PARP16: variants seen among roughly 807,000 people sequenced by gnomAD.
The protein encoded by PARP16 is protein mono-ADP-ribosyltransferase PARP16.
A neutral mutation model predicts 35.0 loss-of-function variants in PARP16; 31 were observed. The observed-to-expected ratio is 0.88, with a 90% CI of 0.66 to 1.19. PARP16 has a LOEUF of 1.19. Among genes scored for constraint, PARP16 ranks in the 50% most tolerant of loss-of-function variants. The pLI, the probability that PARP16 is intolerant of heterozygous loss-of-function variation, is 0.00. For missense variants in PARP16, 424 were observed against 411.2 expected (o/e 1.03, Z -0.27); for synonymous variants, 162 against 169.5 (o/e 0.96, Z 0.34).
intron 3 of PARP16, among the ~76,000 whole-genome samples, chr15:65,245,225 C>T (rs945785799): frequency 6.6e-6 from 1 of 152,222 alleles, no homozygotes; most frequent in African/African-American, 2.4e-5. Context: ...GGCTTTGTGG[C>T]TTCCTCGCCA....
At chr15:65,276,885 G>A (rs550849482) in intron 1 of PARP16, among the ~76,000 whole-genome samples, 4 of 151,696 alleles carry the variant, frequency 2.6e-5, no homozygotes, top group Non-Finnish European at 4.4e-5. Context: ...GGGAGGCTGA[G>A]GCAGGAGAAT....
intron 4 of PARP16, among the ~76,000 whole-genome samples, chr15:65,261,909 G>A (rs1007725102): frequency 1.1e-4 from 16 of 152,174 alleles, no homozygotes; most frequent in African/African-American, 1.9e-4. Context: ...CTAGGAAGAC[G>A]AAAGCTGCGT....
At chr15:65,268,949 T>G (rs1048129285) in intron 2 of PARP16, among the ~76,000 whole-genome samples, 9 of 151,788 alleles carry the variant, frequency 5.9e-5, no homozygotes, top group East Asian at 2.0e-4. Flanking sequence ...GAGACGAAGC[T>G]TCATCATTTT....
At chr15:65,231,303 T>TCA (rs1338600963), downstream of PARP16, among the ~76,000 whole-genome samples, 8 of 152,234 alleles carry the variant, frequency 5.3e-5, no homozygotes, top group African/African-American at 1.9e-4. Flanking sequence ...TATACTGATA[T>TCA]GTGCATGTGT....
At chr15:65,248,454 C>G (rs76642466) in intron 2 of PARP16, among the ~76,000 whole-genome samples, 335 of 152,168 alleles carry the variant, frequency 2.2e-3, no homozygotes, top group African/African-American at 7.7e-3. Flanking sequence ...GAGGCCCACA[C>G]TTTCCCTCAA....
chr15:65,246,384 T>C (rs1237285343), intron 3 of PARP16, among the ~76,000 whole-genome samples: 8 of 152,168 alleles, frequency 5.3e-5, no homozygotes, highest in African/African-American at 1.4e-4. Context: ...ACAGGGGTCA[T>C]GGAGGTCTCC....
At chr15:65,253,979 G>T (rs771372432), downstream of PARP16, among the ~76,000 whole-genome samples, 3 of 152,074 alleles carry the variant, frequency 2.0e-5, no homozygotes, top group South Asian at 6.2e-4. Context: ...CACCACACCC[G>T]GCTAATTTTT....
At chr15:65,253,630 TTCATTCTC>T (rs2089420392), downstream of PARP16, among the ~76,000 whole-genome samples, 1 of 152,034 alleles carries the variant, frequency 6.6e-6, no homozygotes, top group Admixed American at 6.5e-5. Flanking sequence ...GCGCCCGGCC[TTCATTCTC>T]TTTTTGCTAA....
intron 2 of PARP16, among the ~76,000 whole-genome samples, chr15:65,249,678 G>A (rs113377368): frequency 2.0e-5 from 3 of 152,348 alleles, no homozygotes; most frequent in Admixed American, 6.5e-5. Flanking sequence ...AGGCAATCAG[G>A]GGGATTTGGC....
downstream of PARP16, among the ~76,000 whole-genome samples, chr15:65,255,337 A>G (rs953146876): frequency 6.6e-6 from 1 of 152,204 alleles, no homozygotes; most frequent in Non-Finnish European, 1.5e-5. Context: ...TTAAAATTAG[A>G]AGAAAAAAAC....
At chr15:65,276,056 C>T (rs548829012) in intron 1 of PARP16, among the ~76,000 whole-genome samples, 9 of 152,290 alleles carry the variant, frequency 5.9e-5, no homozygotes, top group African/African-American at 2.2e-4. Flanking sequence ...TGGACCCAGG[C>T]CTCTTCCCGG....
rs2089587360 is a variant in PARP16, at chr15:65,258,566, G to A, written c.*841C>T. The A allele has an allele frequency of 6.6e-6, 1 of 152,520 alleles. No homozygotes were observed. Among genetic ancestry groups the A allele is most frequent in the South Asian group, 2.1e-4 (1 of 4,834 alleles). The allele number at this position is 152,520 out of a possible 1,614,324, so 9.4% of individuals were successfully genotyped here. A position where few individuals can be genotyped will look rare whatever the true frequency, so the allele number is the denominator to read the frequency against. On this transcript the variant is annotated 3_prime_UTR_variant, in exon 6 of 6. Coordinates refer to ENST00000649807, the MANE Select transcript of PARP16 (RefSeq NM_001316943.2). Reference sequence around the variant, plus strand: ...AATCCCTTTCTCTAAAACACAGCCAGAAAAGAGGCTGTGGACACTGGCCAA... The same window carrying A: ...AATCCCTTTCTCTAAAACACAGCCAAAAAAGAGGCTGTGGACACTGGCCAA...
chr15:65,256,122 G>A (rs930636105), downstream of PARP16, among the ~76,000 whole-genome samples: 3 of 152,128 alleles, frequency 2.0e-5, no homozygotes, highest in Admixed American at 1.3e-4. Flanking sequence ...TGGCTTCCAT[G>A]ACACTTGGCT....
intron 1 of PARP16, among the ~76,000 whole-genome samples, chr15:65,283,393 C>G (rs935870580): frequency 6.6e-6 from 1 of 152,090 alleles, no homozygotes; most frequent in Non-Finnish European, 1.5e-5. Context: ...CACCTCTATA[C>G]CCTCCCCTGC....
At chr15:65,235,163 C>T (rs1316689066) in intron 3 of PARP16, among the ~76,000 whole-genome samples, 1 of 151,782 alleles carries the variant, frequency 6.6e-6, no homozygotes, top group Non-Finnish European at 1.5e-5. Flanking sequence ...AAAAATTAGC[C>T]GGGCGTAGTG....
Position 65,275,333 on chromosome 15 carries a change from T to C in PARP16, c.175-4261A>G, listed in dbSNP as rs149071066. 4.6e-5 allele frequency among the ~76,000 whole-genome samples: 7 copies of C among 152,234 alleles called. No individual in the cohort carries two copies. In the South Asian group the frequency reaches 1.2e-3, roughly 27 times the overall value. On this transcript the variant is annotated intron_variant, in intron 1 of 5. Transcript: ENST00000649807. ...GGGAAGTGGGTGGTGGCATGGTTAA[T>C]TGTGCAGTTCTCCCAGGCATCTGGG... is the stretch of plus-strand genomic sequence containing the variant.
intron 1 of PARP16, among the ~76,000 whole-genome samples, chr15:65,273,904 C>T (rs1471880130): frequency 6.7e-6 from 1 of 149,070 alleles, no homozygotes; most frequent in East Asian, 2.0e-4. Flanking sequence ...AAAACACCAA[C>T]TATCTCTACA....
rs574782592 is a variant in PARP16 at position 65,236,920 on chromosome 15, C to G, written c.*98-2097G>C. 4.1e-5 allele frequency among the ~76,000 whole-genome samples: 6 copies of G among 144,912 alleles called. No individual in the cohort carries two copies. The Admixed American group carries it at 4.3e-4, about 10-fold the overall frequency. Reference sequence around the variant, plus strand: ...CCTGGAGGCAGAGGTTGCAGTGAGCCGAGATTGCACCACTGCACTCTAGCC... The same window carrying G: ...CCTGGAGGCAGAGGTTGCAGTGAGCGGAGATTGCACCACTGCACTCTAGCC... On this transcript the variant is annotated intron_variant and NMD_transcript_variant, in intron 3 of 3. Coordinates refer to the PARP16 transcript ENST00000559805.
chr15:65,281,848 A>G (rs1046517989), intron 1 of PARP16, among the ~76,000 whole-genome samples: 3 of 152,202 alleles, frequency 2.0e-5, no homozygotes, highest in Non-Finnish European at 4.4e-5. Flanking sequence ...TTCTCAGGAA[A>G]TCACCAATCA....
Sources: allele counts gnomAD v4.1 joint callset (sites outside exome capture counted in the v4.1 genomes callset), GRCh38; gene constraint gnomAD v4.1.1; transcripts MANE v1.5; gene names NCBI Gene and HGNC (gene_info 2026-07-23, HGNC 2026-07-21).